MYO1F: variants seen among roughly 807,000 people sequenced by gnomAD.
MYO1F encodes the protein myosin IF.
Under a neutral mutation model 146.6 loss-of-function variants are expected in MYO1F, and 60 were observed. That is an observed-to-expected ratio of 0.41 (90% CI 0.33 to 0.51). MYO1F has a LOEUF of 0.51. MYO1F is among the 20% of genes least tolerant of loss of function. MYO1F has a pLI of 0.25. For synonymous variants in MYO1F, 602 were observed against 602.1 expected, an observed-to-expected ratio of 1.00 and a Z score of 0.00; for missense variants, 1,274 against 1,534.3, an observed-to-expected ratio of 0.83 and a Z score of 2.83.
At position 8,543,675 on chromosome 19, in the gene MYO1F, C is replaced by CTGGTGGTGGTGGTGG. The variant is rs1191447239; in HGVS notation, c.1524+607_1524+621dup. ...GGTGCTGGTGGTGGTGGTGGTGGTG[C>CTGGTGGTGGTGGTGG]TGGTGGTGGTGGTGGTGGTGGTGGT... is the stretch of plus-strand genomic sequence containing the variant. On this transcript the variant is annotated intron_variant, in intron 14 of 27. Transcript: ENST00000644032. Among the ~76,000 whole-genome samples the CTGGTGGTGGTGGTGG allele has an allele frequency of 5.0e-4, 18 of 36,196 alleles. 1 individual carries two copies. Among genetic ancestry groups the CTGGTGGTGGTGGTGG allele is most frequent in the South Asian group, 2.6e-3 (2 of 762 alleles). 23.7% of individuals were successfully genotyped at this position (36,196 alleles called of 152,430 possible). A position where few individuals can be genotyped will look rare whatever the true frequency, so the allele number is the denominator to read the frequency against.
chr19:8,560,670 G>GCTCAAGTGATCCTCCTGGT lies in MYO1F; in HGVS notation c.4-4893_4-4875dup, dbSNP rs985422397. 8.6e-5 allele frequency among the ~76,000 whole-genome samples: 13 copies of GCTCAAGTGATCCTCCTGGT among 151,734 alleles called. No individual in the cohort carries two copies. In the East Asian group the frequency reaches 2.3e-3, roughly 27 times the overall value. ...GCTCACTGCAGCCTTGACCTCCTGGGCTCAAGTGATCCTCCTGGTCTCAGC... is the reference window on the plus strand; with the variant it reads ...GCTCACTGCAGCCTTGACCTCCTGGGCTCAAGTGATCCTCCTGGTCTCAAGTGATCCTCCTGGTCTCAGC... On this transcript the variant is annotated intron_variant, in intron 1 of 27. Transcript: ENST00000644032.
chr19:8,565,117 C>T (rs1170866644), intron 1 of MYO1F, among the ~76,000 whole-genome samples: 2 of 151,862 alleles, frequency 1.3e-5, no homozygotes, highest in African/African-American at 4.8e-5. Flanking sequence ...TCTGTAACTC[C>T]TGACCTCAAG....
chr19:8,548,001 C>CCCCA, intron 12 of MYO1F, 35 bp downstream of exon 12: 41 of 1,305,260 alleles, frequency 3.1e-5, no homozygotes, highest in Admixed American at 1.6e-4. Flanking sequence ...ACCCCCACCC[C>CCCCA]AGGATCCCCC....
At chr19:8,567,741 T>C (rs565651361) in intron 1 of MYO1F, among the ~76,000 whole-genome samples, 1 of 152,352 alleles carries the variant, frequency 6.6e-6, no homozygotes, top group African/African-American at 2.4e-5. Flanking sequence ...AGAGAGGACC[T>C]TGGGGAGGAC....
intron 13 of MYO1F, 132 bp downstream of exon 13, chr19:8,545,518 C>T (rs754113655): frequency 5.2e-5 from 41 of 789,296 alleles, no homozygotes; most frequent in South Asian, 3.8e-4. Context: ...TGTTATCTGT[C>T]GCTGGAAGTC....
chr19:8,553,993 G>T (rs1973737473), intron 4 of MYO1F, among the ~76,000 whole-genome samples: 1 of 151,428 alleles, frequency 6.6e-6, no homozygotes, highest in Admixed American at 6.6e-5. Flanking sequence ...GTCTCACTCT[G>T]TTGCCCAGGC....
chr19:8,572,219 G>T (rs2042123654), intron 1 of MYO1F, among the ~76,000 whole-genome samples: 1 of 152,084 alleles, frequency 6.6e-6, no homozygotes, highest in Admixed American at 6.6e-5. Context: ...AAACCTGCCT[G>T]TCTCTGATTC....
intron 10 of MYO1F, among the ~76,000 whole-genome samples, chr19:8,548,835 G>A (rs1235474627): frequency 2.6e-5 from 4 of 151,176 alleles, no homozygotes; most frequent in South Asian, 2.1e-4. Context: ...TGATCCGCCC[G>A]CCTCGGCCTC....
chr19:8,577,433 G>T lies in MYO1F; in HGVS notation c.-124C>A. The T allele has an allele frequency of 9.1e-7, 1 of 1,102,098 alleles. No homozygotes were observed. Among genetic ancestry groups the T allele is most frequent in the African/African-American group, 1.5e-5 (1 of 65,208 alleles). The allele number at this position is 1,102,098 out of a possible 1,614,324, so 68.3% of individuals were successfully genotyped here. A position where few individuals can be genotyped will look rare whatever the true frequency, so the allele number is the denominator to read the frequency against. On this transcript the variant is annotated 5_prime_UTR_variant, in exon 1 of 28. Coordinates refer to ENST00000644032, the MANE Select transcript of MYO1F (RefSeq NM_012335.4). The surrounding 1 kb of genome is among the most constrained non-coding windows in gnomAD (Gnocchi z 4.3). ...GCTTCTGCCCGTTCACCGGACTCCC[G>T]GCTTTAGTTCCTCTTACAACAGCCC...
At chr19:8,550,431 A>T in intron 9 of MYO1F, 75 bp from the exon 10 acceptor site, 1 of 1,587,376 alleles carries the variant, frequency 6.3e-7, no homozygotes, top group South Asian at 1.1e-5. Context: ...GCCTCCTATT[A>T]TCCCCATCTT....
rs768581898 is a variant in MYO1F, at chr19:8,555,765, T to A, written c.35A>T (p.His12Leu). Residue 12 changes from histidine (H) to leucine (L), a missense_variant, in exon 2 of 28, where the codon CAC becomes CTC. Physicochemically the swap from His to Leu is moderately conservative, Grantham distance 99. Around this residue, in one of 2 missense-constraint regions of MYO1F, gnomAD observed 900 missense variants for 1,155.1 expected, o/e 0.78. Transcript: ENST00000644032. ...ATCCACGCCGCTCTGCTTCACGTTG[T>A]GGCTCTGCCAGTGGAAGCGCTCCTT... ...GSKERFHWQSHNVKQSGVDDM... is the reference protein window; with the variant it reads ...GSKERFHWQSLNVKQSGVDDM... The A allele has an allele frequency of 5.0e-6, 8 of 1,613,802 alleles. No homozygotes were observed. The African/African-American group carries it at 9.3e-5, about 19-fold the overall frequency.
intron 1 of MYO1F, among the ~76,000 whole-genome samples, chr19:8,559,062 T>A (rs1319884083): frequency 6.6e-6 from 1 of 151,724 alleles, no homozygotes; most frequent in Non-Finnish European, 1.5e-5. Flanking sequence ...GTATTTTTGG[T>A]AGAGACGGGG....
intron 1 of MYO1F, among the ~76,000 whole-genome samples, chr19:8,562,908 A>T (rs908323340): frequency 6.6e-6 from 1 of 152,118 alleles, no homozygotes; most frequent in Non-Finnish European, 1.5e-5. Flanking sequence ...TGTAGGTGGG[A>T]CTGTCATACT....
At chr19:8,545,529 CT>C in intron 13 of MYO1F, 120 bp downstream of exon 13, 2 of 838,746 alleles carry the variant, frequency 2.4e-6, no homozygotes, top group Non-Finnish European at 4.2e-6. Context: ...GCTGGAAGTC[CT>C]GAGTGTAGGG....
Position 8,521,182 on chromosome 19 carries a change from C to T in MYO1F, c.*346G>A. On this transcript the variant is annotated 3_prime_UTR_variant, in exon 28 of 28. Coordinates refer to ENST00000644032, the MANE Select transcript of MYO1F (RefSeq NM_012335.4). ...AAAGTCACGCTTGTTAAGGACCCCC[C>T]CCTCCCCAACTGTGCCTGGCACTTT... 2.6e-6 allele frequency: 1 copy of T among 383,482 alleles called. No individual in the cohort carries two copies. Among genetic ancestry groups the T allele is most frequent in the Non-Finnish European group, 5.0e-6 (1 of 200,712 alleles). The allele number at this position is 383,482 out of a possible 1,614,324, so 23.8% of individuals were successfully genotyped here. A position where few individuals can be genotyped will look rare whatever the true frequency, so the allele number is the denominator to read the frequency against.
In MYO1F at chr19:8,540,274, G is replaced by C. The variant is rs141452501; in HGVS notation, c.1611-246C>G. The C allele has an allele frequency of 3.8e-3, 1,644 of 430,930 alleles. 7 individuals are homozygous for C. The highest frequency in any genetic ancestry group is 8.2e-3 in the Middle Eastern group (14 of 1,700). The allele number at this position is 430,930 out of a possible 1,614,324, so 26.7% of individuals were successfully genotyped here. A position where few individuals can be genotyped will look rare whatever the true frequency, so the allele number is the denominator to read the frequency against. On this transcript the variant is annotated intron_variant, in intron 15 of 27. Coordinates refer to ENST00000644032, the MANE Select transcript of MYO1F (RefSeq NM_012335.4). ...AGGAACTGCAGCCTGGAACTCCTGGGCTCAAGCCAATGTGTGAATGTATTG... is the reference window on the plus strand; with the variant it reads ...AGGAACTGCAGCCTGGAACTCCTGGCCTCAAGCCAATGTGTGAATGTATTG...
In MYO1F at chr19:8,546,599, A is replaced by T. The variant is rs150709832; in HGVS notation, c.1270-863T>A. ...GGCTTTGAACCCCCAGGCTCAAGCG[A>T]TCCTCTTAACTTAGCCTCCTAGATA... On this transcript the variant is annotated intron_variant, in intron 12 of 27. Coordinates refer to ENST00000644032, the MANE Select transcript of MYO1F (RefSeq NM_012335.4). Among the ~76,000 whole-genome samples, 686 of 151,954 alleles carry T rather than the reference A, an allele frequency of 4.5e-3. 6 individuals are homozygous for T. The highest frequency in any genetic ancestry group is 0.015 in the African/African-American group (640 of 41,446).
intron 1 of MYO1F, among the ~76,000 whole-genome samples, chr19:8,567,277 G>A (rs1031984332): frequency 6.6e-6 from 1 of 151,924 alleles, no homozygotes; most frequent in South Asian, 2.1e-4. Context: ...ATCTTGGCCA[G>A]GCTGGTCTTG....
In MYO1F at chr19:8,548,269, C is replaced by T; in HGVS notation, c.1150G>A (p.Val384Met). 4.3e-6 allele frequency: 7 copies of T among 1,614,040 alleles called. No individual in the cohort carries two copies. Among genetic ancestry groups the T allele is most frequent in the Non-Finnish European group, 5.9e-6 (7 of 1,180,024 alleles). The change falls in exon 11 of 28, where the codon GTG becomes ATG. Residue 384 changes from valine (V) to methionine (M), a missense_variant. Transcript: ENST00000644032. ...QKPQEEYSIG[V>M]LDIYGFEIFQ... Reference sequence around the variant, plus strand: ...ATCTCGAAGCCGTAAATGTCCAGCACACCGATGCTGTACTCTTCCTGGGGT... The same window carrying T: ...ATCTCGAAGCCGTAAATGTCCAGCATACCGATGCTGTACTCTTCCTGGGGT...
Sources: allele counts gnomAD v4.1 joint callset (sites outside exome capture counted in the v4.1 genomes callset), GRCh38; gene constraint gnomAD v4.1.1; regional missense constraint gnomAD v4.1.1; non-coding constraint Gnocchi (gnomAD v3.1); transcripts MANE v1.5; gene names NCBI Gene and HGNC (gene_info 2026-07-23, HGNC 2026-07-21).